Variants in METTL22 observed in about 807,000 individuals in gnomAD.
The protein encoded by METTL22 is methyltransferase 22, Kin17 lysine.
A neutral mutation model predicts 48.4 loss-of-function variants in METTL22; 51 were observed. The ratio of observed to expected loss-of-function variants is 1.05; its 90% confidence interval spans 0.84 to 1.33. The LOEUF is 1.33. METTL22 is among the 40% of genes most tolerant of loss of function. The pLI is 0.00. For synonymous variants in METTL22, 255 were observed against 214.1 expected (o/e 1.19, Z -1.67); for missense variants, 678 against 526.9 (o/e 1.29, Z -2.81).
chr16:8,645,991 G>C, intron 10 of METTL22, 117 bp from the exon 11 acceptor site: 1 of 1,513,800 alleles, frequency 6.6e-7, no homozygotes. Context: ...CAGCTCGCCT[G>C]CTCCGTGGCT....
chr16:8,642,657 T>C (rs1342199457), intron 9 of METTL22, 92 bp downstream of exon 9: 2 of 1,185,388 alleles, frequency 1.7e-6, no homozygotes, highest in Non-Finnish European at 1.3e-6. Flanking sequence ...TCATTATGAT[T>C]GTTACTCAGT....
At chr16:8,652,402 T>C (rs1244751764), downstream of METTL22, among the ~76,000 whole-genome samples, 7 of 130,478 alleles carry the variant, frequency 5.4e-5, no homozygotes, top group East Asian at 1.4e-3. Flanking sequence ...GAGGTTGCAA[T>C]GAGCCGAGAT....
At chr16:8,635,720 T>A (rs1324160299) in intron 5 of METTL22, among the ~76,000 whole-genome samples, 1 of 152,206 alleles carries the variant, frequency 6.6e-6, no homozygotes, top group African/African-American at 2.4e-5. Context: ...TTTAAAACAG[T>A]ACATAAAAAT....
the METTL22 span, among the ~76,000 whole-genome samples, chr16:8,658,404 G>C: frequency 1.3e-5 from 2 of 152,178 alleles, no homozygotes; most frequent in African/African-American, 4.8e-5. Flanking sequence ...CAGAACCCAA[G>C]GGATATAGGC....
In METTL22 at chr16:8,646,467, G is replaced by A. The variant is rs1472813448; in HGVS notation, c.*324G>A. The A allele has an allele frequency of 6.8e-6, 4 of 588,108 alleles. No homozygotes were observed. Among genetic ancestry groups the A allele is most frequent in the East Asian group, 7.7e-5 (2 of 25,894 alleles). 36.4% of individuals were successfully genotyped at this position (588,108 alleles called of 1,614,324 possible). On this transcript the variant is annotated 3_prime_UTR_variant, in exon 11 of 11. Transcript: ENST00000381920. ...CATTTCAGCTGTGTGCTTTACTTGC[G>A]GTTGCGGCCCTGGCTGTGAGGTGGA...
intron 3 of METTL22, 68 bp from the exon 4 acceptor site, chr16:8,634,971 C>T: frequency 1.2e-6 from 2 of 1,605,614 alleles, no homozygotes; most frequent in Middle Eastern, 2.2e-4. Flanking sequence ...CCACACTGTC[C>T]TGTCTTGTGG....
At chr16:8,651,536 G>A (rs1201826509), downstream of METTL22, among the ~76,000 whole-genome samples, 1 of 152,120 alleles carries the variant, frequency 6.6e-6, no homozygotes, top group Non-Finnish European at 1.5e-5. Context: ...TGCAGCCTGT[G>A]TGATTTGTAA....
In METTL22 at chr16:8,640,942, A is replaced by ATGGATGGATGGG. The variant is rs1489485742; in HGVS notation, c.773-186_773-185insATGGATGGGTGG. ...GATGGATGGATGGATGGATGGATGG[A>ATGGATGGATGGG]TGGGTGGGTGGATGGCTGGCTGGCT... On this transcript the variant is annotated intron_variant, in intron 6 of 10. Coordinates refer to ENST00000381920, the MANE Select transcript of METTL22 (RefSeq NM_024109.4). Among the ~76,000 whole-genome samples the ATGGATGGATGGG allele has an allele frequency of 6.4e-4, 28 of 43,674 alleles. 5 individuals are homozygous for ATGGATGGATGGG. The highest frequency in any genetic ancestry group is 2.8e-3 in the African/African-American group (27 of 9,534). 28.7% of individuals were successfully genotyped at this position (43,674 alleles called of 152,430 possible). A position where few individuals can be genotyped will look rare whatever the true frequency, so the allele number is the denominator to read the frequency against.
At chr16:8,663,095 A>G in the METTL22 span, among the ~76,000 whole-genome samples, 1 of 151,126 alleles carries the variant, frequency 6.6e-6, no homozygotes, top group Non-Finnish European at 1.5e-5. Context: ...ATAATCAGCT[A>G]CTTGGGAGGC....
At chr16:8,651,386 CAAA>C (rs768911703), downstream of METTL22, among the ~76,000 whole-genome samples, 11 of 49,070 alleles carry the variant, frequency 2.2e-4, no homozygotes, top group East Asian at 5.1e-3. Context: ...GACTCTGTCT[CAAA>C]AAAAAAAAAA....
chr16:8,663,409 G>C, the METTL22 span, among the ~76,000 whole-genome samples: 440 of 152,050 alleles, frequency 2.9e-3, 1 homozygote, highest in African/African-American at 9.6e-3. Context: ...TGACAGGGTG[G>C]GTTATTTTGG....
intron 3 of METTL22, among the ~76,000 whole-genome samples, chr16:8,630,767 G>A (rs1180362358): frequency 6.6e-6 from 1 of 152,162 alleles, no homozygotes; most frequent in Non-Finnish European, 1.5e-5. Flanking sequence ...CCCCTTGTCT[G>A]TATACCTGGA....
rs143042835 is a variant in METTL22 at position 8,623,274 on chromosome 16, G to A, written c.-171+1499G>A. On this transcript the variant is annotated intron_variant, in intron 1 of 10. Coordinates refer to ENST00000381920, the MANE Select transcript of METTL22 (RefSeq NM_024109.4). ...TGTAGTGAGCCGAGATGGCACCACT[G>A]CACTCTAGCCTGGGCAACAGAGTGA... 7.4e-4 allele frequency among the ~76,000 whole-genome samples: 112 copies of A among 150,850 alleles called. 1 individual carries two copies. In the East Asian group the frequency reaches 0.011, roughly 14 times the overall value.
At chr16:8,633,423 C>G (rs1054825859) in intron 3 of METTL22, among the ~76,000 whole-genome samples, 34 of 152,194 alleles carry the variant, frequency 2.2e-4, no homozygotes, top group African/African-American at 8.2e-4. Context: ...ATGCTGAGAC[C>G]CTATCTCTAC....
At position 8,629,096 on chromosome 16, in the gene METTL22, A is replaced by G; in HGVS notation, c.500A>G (p.Asp167Gly). ...GAGGAAGCACAAGGCAGCCCGCACG[A>G]TATCATCAGAATAGGTAAATAGAGG... The part of the protein sequence containing the change: ...LGEEAQGSPH[D>G]IIRIEHTMAT... Residue 167 changes from aspartate (D) to glycine (G), a missense_variant, in exon 3 of 11, where the codon GAT becomes GGT. Asp to Gly is a moderately conservative substitution (Grantham distance 94). Coordinates refer to ENST00000381920, the MANE Select transcript of METTL22 (RefSeq NM_024109.4). 1.9e-6 allele frequency: 3 copies of G among 1,613,122 alleles called. No homozygotes were observed. Among genetic ancestry groups the G allele is most frequent in the South Asian group, 1.1e-5 (1 of 91,072 alleles).
rs544200385 is a variant in METTL22, at chr16:8,648,822, A to G, written c.*2679A>G. On this transcript the variant is annotated 3_prime_UTR_variant, in exon 11 of 11. Coordinates refer to ENST00000381920, the MANE Select transcript of METTL22 (RefSeq NM_024109.4). Reference sequence around the variant, plus strand: ...GAAAAGTATCAAGCCTCAGCTCAGGACGTGATTCCGAATCTGCATCTCAAC... The same window carrying G: ...GAAAAGTATCAAGCCTCAGCTCAGGGCGTGATTCCGAATCTGCATCTCAAC... 2.0e-5 allele frequency: 3 copies of G among 152,438 alleles called. No individual in the cohort carries two copies. Among genetic ancestry groups the G allele is most frequent in the Admixed American group, 2.0e-4 (3 of 15,296 alleles). The allele number at this position is 152,438 out of a possible 1,614,324, so 9.4% of individuals were successfully genotyped here. A position where few individuals can be genotyped will look rare whatever the true frequency, so the allele number is the denominator to read the frequency against.
chr16:8,656,881 C>T, the METTL22 span, among the ~76,000 whole-genome samples: 20 of 152,162 alleles, frequency 1.3e-4, no homozygotes, highest in Admixed American at 1.2e-3. Context: ...CAGCAGAAGG[C>T]GCCACATGGT....
intron 3 of METTL22, chr16:8,632,124 G>A (rs2056283876): frequency 6.6e-6 from 1 of 152,224 alleles, no homozygotes; most frequent in South Asian, 2.1e-4. Flanking sequence ...CACAAGAAAG[G>A]AGAGTGCCCT....
intron 1 of METTL22, 90 bp downstream of exon 1, chr16:8,621,865 T>C (rs1487053284): frequency 2.6e-5 from 4 of 152,234 alleles, no homozygotes; most frequent in Non-Finnish European, 5.9e-5. Context: ...CTCCCACAGA[T>C]CGGAGGCCCA....
Sources: gnomAD v4.1 joint callset for allele counts (sites outside exome capture counted in the v4.1 genomes callset) on GRCh38, gnomAD v4.1.1 for gene constraint, MANE v1.5 for transcripts, NCBI Gene and HGNC (gene_info 2026-07-23, HGNC 2026-07-21) for gene names.